ZNF665: variants seen among roughly 807,000 people sequenced by gnomAD.
ZNF665 encodes the protein zinc finger protein 665.
In ZNF665, 6 loss-of-function variants were observed where a neutral mutation model predicts 7.9. The observed-to-expected ratio is 0.76, with a 90% CI of 0.42 to 1.50. The LOEUF is 1.50. Ranked by LOEUF, ZNF665 falls within the 40% of genes most tolerant of loss-of-function variation. The probability of loss-of-function intolerance (pLI) is 0.01; values close to 1 mark genes in which losing one functional copy is unlikely to be tolerated. For missense variants in ZNF665, 819 were observed against 806.7 expected, an observed-to-expected ratio of 1.02 and a Z score of -0.18; for synonymous variants, 242 against 274.5, an observed-to-expected ratio of 0.88 and a Z score of 1.17.
At chr19:53,190,036 G>T (rs2090805208) in intron 1 of ZNF665, 1 of 152,366 alleles carries the variant, frequency 6.6e-6, no homozygotes, top group Non-Finnish European at 1.5e-5. Context: ...ATAGAGCGAG[G>T]ATTATTATAA....
intron 1 of ZNF665, among the ~76,000 whole-genome samples, chr19:53,189,155 TGGA>T (rs1568668601): frequency 6.6e-6 from 1 of 151,324 alleles, no homozygotes; most frequent in Non-Finnish European, 1.5e-5. Flanking sequence ...GTTGACACAG[TGGA>T]GGAGGGAGCC....
At chr19:53,190,839 CAGG>C (rs1341668216) in intron 1 of ZNF665, among the ~76,000 whole-genome samples, 1 of 152,192 alleles carries the variant, frequency 6.6e-6, no homozygotes, top group African/African-American at 2.4e-5. Context: ...GAGGCTGAGG[CAGG>C]AGAATTGCTT....
chr19:53,192,251 T>G (rs1471028205), intron 1 of ZNF665, among the ~76,000 whole-genome samples: 4 of 152,126 alleles, frequency 2.6e-5, no homozygotes, highest in Non-Finnish European at 1.5e-5. Flanking sequence ...CTTCCCTGTT[T>G]CACTTCCTTG....
chr19:53,192,211 C>T (rs1344117773), intron 1 of ZNF665, among the ~76,000 whole-genome samples: 1 of 152,034 alleles, frequency 6.6e-6, no homozygotes, highest in African/African-American at 2.4e-5. Flanking sequence ...TCTTTCTTCC[C>T]TTATCTCTGC....
chr19:53,169,151 C>T (rs1390291223), intron 3 of ZNF665, among the ~76,000 whole-genome samples: 1 of 151,946 alleles, frequency 6.6e-6, no homozygotes, highest in Admixed American at 6.6e-5. Context: ...AAAATATTCA[C>T]AAAGCACAAA....
intron 3 of ZNF665, among the ~76,000 whole-genome samples, chr19:53,174,280 C>T (rs980302024): frequency 2.0e-5 from 3 of 152,100 alleles, no homozygotes; most frequent in Non-Finnish European, 2.9e-5. Context: ...CAGTAACAGA[C>T]GGTTGTAGAT....
Position 53,164,668 on chromosome 19 carries a change from T to G in ZNF665, c.1822A>C (p.Thr608Pro), listed in dbSNP as rs2090591356. Residue 608 changes from threonine to proline, a missense_variant, in exon 4 of 4, where the codon ACT becomes CCT. Coordinates refer to ENST00000396424, the MANE Select transcript of ZNF665 (RefSeq NM_024733.5). ...TGATTTGCAAGATGTGAATTTTGAG[T>G]GAAGACCTTGCCACATTCATTACAT... ...YKCNECGKVF[T>P]QNSHLANHRR... The G allele has an allele frequency of 6.2e-7, 1 of 1,612,688 alleles. No homozygotes were observed. Among genetic ancestry groups the G allele is most frequent in the Admixed American group, 1.7e-5 (1 of 59,970 alleles).
In ZNF665 at chr19:53,164,392, C is replaced by T. The variant is rs2090587287; in HGVS notation, c.*61G>A. 2.9e-6 allele frequency: 4 copies of T among 1,360,810 alleles called. No homozygotes were observed. The African/African-American group carries it at 4.4e-5, about 15-fold the overall frequency. 84.3% of individuals were successfully genotyped at this position (1,360,810 alleles called of 1,614,324 possible). Reference sequence around the variant, plus strand: ...ACCTCAGGTGATCCCCCCGCCTCGGCCTCCCAAAGTGCTGGGATTACAGGC... The same window carrying T: ...ACCTCAGGTGATCCCCCCGCCTCGGTCTCCCAAAGTGCTGGGATTACAGGC... On this transcript the variant is annotated 3_prime_UTR_variant, in exon 4 of 4. Coordinates refer to ENST00000396424, the MANE Select transcript of ZNF665 (RefSeq NM_024733.5).
At chr19:53,171,468 T>C in intron 3 of ZNF665, among the ~76,000 whole-genome samples, 1 of 146,486 alleles carries the variant, frequency 6.8e-6, no homozygotes, top group South Asian at 2.2e-4. Context: ...TATACAATTA[T>C]GATTATTATA....
rs144602956 is a variant in ZNF665 at position 53,175,746 on chromosome 19, G to A, written c.16-175C>T. Among the ~76,000 whole-genome samples, 34 of 152,272 alleles carry A rather than the reference G, an allele frequency of 2.2e-4. 1 individual carries two copies. In the East Asian group the frequency reaches 4.8e-3, roughly 22 times the overall value. On this transcript the variant is annotated intron_variant, in intron 2 of 3. Coordinates refer to ENST00000396424, the MANE Select transcript of ZNF665 (RefSeq NM_024733.5). ...ATCTTCCTCCCCTTTTCCTGAAAAG[G>A]GCTCACTTGAAATCTGTGAGGTGAT...
chr19:53,191,913 T>A (rs1204077136), intron 1 of ZNF665: 1 of 152,254 alleles, frequency 6.6e-6, no homozygotes, highest in African/African-American at 2.4e-5. Flanking sequence ...CCATATCCAA[T>A]GAAACCACCA....
chr19:53,172,753 A>C (rs190366469), intron 3 of ZNF665, among the ~76,000 whole-genome samples: 50 of 137,804 alleles, frequency 3.6e-4, no homozygotes, highest in African/African-American at 1.2e-3. Flanking sequence ...TGAACCTGGG[A>C]GGCGGAGATT....
intron 1 of ZNF665, among the ~76,000 whole-genome samples, chr19:53,191,157 T>C (rs1159637569): frequency 6.6e-6 from 1 of 152,146 alleles, no homozygotes; most frequent in Non-Finnish European, 1.5e-5. Context: ...GTAGACAGTG[T>C]CCGAATTGAA....
chr19:53,170,037 G>A (rs959749167), intron 3 of ZNF665, among the ~76,000 whole-genome samples: 13 of 143,548 alleles, frequency 9.1e-5, no homozygotes, highest in African/African-American at 2.9e-4. Flanking sequence ...ATAGTCCTTT[G>A]GGTATAAACC....
chr19:53,182,517 C>T (rs2090745506), intron 2 of ZNF665: 3 of 633,632 alleles, frequency 4.7e-6, no homozygotes, highest in African/African-American at 3.6e-5. Context: ...TACACACTAA[C>T]ATCTGACTTC....
In ZNF665 at chr19:53,165,219, T is replaced by A. The variant is rs147415618; in HGVS notation, c.1271A>T (p.His424Leu). 3.7e-6 allele frequency: 6 copies of A among 1,614,180 alleles called. No homozygotes were observed. Among genetic ancestry groups the A allele is most frequent in the Non-Finnish European group, 5.1e-6 (6 of 1,180,036 alleles). Reference sequence around the variant, plus strand: ...ACACCTGTAAGGTTTCTCTCCAGTATGAATTCTTCGATGATTTGCTAAGTG... The same window carrying A: ...ACACCTGTAAGGTTTCTCTCCAGTAAGAATTCTTCGATGATTTGCTAAGTG... ...YSHLANHRRI[H>L]TGEKPYRCDE... Residue 424 changes from histidine (H) to leucine (L), a missense_variant, in exon 4 of 4, where the codon CAT becomes CTT. Transcript: ENST00000396424.
At chr19:53,177,461 T>C (rs34570459) in intron 2 of ZNF665, among the ~76,000 whole-genome samples, 2,958 of 150,860 alleles carry the variant, frequency 0.02, 36 homozygotes, top group Non-Finnish European at 0.029. Flanking sequence ...AGCCGGAAAT[T>C]GCTTGAACCT....
intron 3 of ZNF665, among the ~76,000 whole-genome samples, chr19:53,168,439 A>G (rs2090634238): frequency 6.6e-6 from 1 of 152,190 alleles, no homozygotes; most frequent in African/African-American, 2.4e-5. Flanking sequence ...TATTGCAGAG[A>G]GGAATTAAAG....
At chr19:53,184,755 G>GC (rs2090764138) in intron 1 of ZNF665, among the ~76,000 whole-genome samples, 3 of 152,248 alleles carry the variant, frequency 2.0e-5, no homozygotes, top group South Asian at 2.1e-4. Context: ...CTACCACCAA[G>GC]ACGTGGAGAC....
Sources: gnomAD v4.1 joint callset for allele counts (sites outside exome capture counted in the v4.1 genomes callset) on GRCh38, gnomAD v4.1.1 for gene constraint, MANE v1.5 for transcripts, NCBI Gene and HGNC (gene_info 2026-07-23, HGNC 2026-07-21) for gene names.